Variants in DLEU7 observed in about 807,000 individuals in gnomAD.
The protein encoded by DLEU7 is leukemia-associated protein 7.
Under a neutral mutation model 16.0 loss-of-function variants are expected in DLEU7, and 17 were observed. The ratio of observed to expected loss-of-function variants is 1.06; its 90% CI spans 0.73 to 1.59. DLEU7 has a LOEUF of 1.59. DLEU7 is among the 40% of genes most tolerant of loss of function. The probability of loss-of-function intolerance (pLI) is 0.00; values close to 1 mark genes in which losing one functional copy is unlikely to be tolerated. For missense variants in DLEU7, 308 were observed against 314.9 expected (o/e 0.98, Z 0.17); for synonymous variants, 113 against 139.8 (o/e 0.81, Z 1.35).
At chr13:50,713,628 G>A (rs1339002099) in intron 1 of DLEU7, among the ~76,000 whole-genome samples, 1 of 152,122 alleles carries the variant, frequency 6.6e-6, no homozygotes, top group Admixed American at 6.5e-5. Flanking sequence ...GACAGGAAAG[G>A]GGTTCTATCC....
At chr13:50,752,783 T>C (rs1373952319) in intron 1 of DLEU7, among the ~76,000 whole-genome samples, 6 of 151,560 alleles carry the variant, frequency 4.0e-5, no homozygotes, top group Non-Finnish European at 8.8e-5. Context: ...ACCCAAAGAG[T>C]GAGCAGCAAC....
chr13:50,774,259 C>T (rs1247122153), intron 1 of DLEU7, among the ~76,000 whole-genome samples: 1 of 152,166 alleles, frequency 6.6e-6, no homozygotes, highest in Non-Finnish European at 1.5e-5. Flanking sequence ...TCGTCTCACC[C>T]TCCTTAGGCT....
At chr13:50,714,348 T>G (rs766374929) in intron 1 of DLEU7, among the ~76,000 whole-genome samples, 15 of 152,218 alleles carry the variant, frequency 9.9e-5, no homozygotes, top group Non-Finnish European at 2.1e-4. Flanking sequence ...CAACTCCTTC[T>G]CCTGTCACCC....
At chr13:50,731,091 C>G (rs1216098038) in intron 1 of DLEU7, among the ~76,000 whole-genome samples, 4 of 152,150 alleles carry the variant, frequency 2.6e-5, no homozygotes, top group African/African-American at 9.7e-5. Flanking sequence ...TTCACTTCAG[C>G]CTCTGATTGG....
At chr13:50,751,260 C>T (rs1427316503) in intron 1 of DLEU7, among the ~76,000 whole-genome samples, 1 of 152,142 alleles carries the variant, frequency 6.6e-6, no homozygotes, top group African/African-American at 2.4e-5. Flanking sequence ...TAAACCATCC[C>T]TGCATCCCTG....
intron 1 of DLEU7, among the ~76,000 whole-genome samples, chr13:50,785,643 T>C (rs1033086979): frequency 1.3e-5 from 2 of 152,206 alleles, no homozygotes; most frequent in Non-Finnish European, 2.9e-5. Context: ...TTGAACCACC[T>C]AACTGGGAAA....
At chr13:50,711,790 CT>C (rs2137697496), downstream of DLEU7, 1 of 122,680 alleles carries the variant, frequency 8.2e-6, no homozygotes, top group African/African-American at 3.2e-5. Context: ...GGGGGCATTA[CT>C]ACCTATACCT....
intron 1 of DLEU7, among the ~76,000 whole-genome samples, chr13:50,791,646 C>T (rs1875962315): frequency 6.6e-6 from 1 of 152,074 alleles, no homozygotes; most frequent in Non-Finnish European, 1.5e-5. Context: ...CTAAAAATTA[C>T]CCAAGTGAAG....
At position 50,777,417 on chromosome 13, in the gene DLEU7, A is replaced by G. The variant is rs188478313; in HGVS notation, c.460-64177T>C. 2.6e-5 allele frequency among the ~76,000 whole-genome samples: 4 copies of G among 152,252 alleles called. No homozygotes were observed. In the East Asian group the frequency reaches 7.7e-4, roughly 29 times the overall value. On this transcript the variant is annotated intron_variant, in intron 1 of 1. Transcript: ENST00000400393. Reference sequence around the variant, plus strand: ...AGACTGGCTTAGCCTCCCAACCTACATCTTTTTCCTATGCTGTATGCTTCC... The same window carrying G: ...AGACTGGCTTAGCCTCCCAACCTACGTCTTTTTCCTATGCTGTATGCTTCC...
intron 1 of DLEU7, among the ~76,000 whole-genome samples, chr13:50,753,583 G>A (rs1252885775): frequency 6.6e-6 from 1 of 152,224 alleles, no homozygotes; most frequent in Non-Finnish European, 1.5e-5. Context: ...GGGCCAGCAG[G>A]GCAGGCCAGC....
At chr13:50,755,937 A>G (rs561200882) in intron 1 of DLEU7, among the ~76,000 whole-genome samples, 8 of 151,814 alleles carry the variant, frequency 5.3e-5, no homozygotes, top group Admixed American at 2.0e-4. Context: ...CCCTTTTCCT[A>G]TGGATGTGGC....
intron 1 of DLEU7, among the ~76,000 whole-genome samples, chr13:50,811,723 AG>A (rs1876573386): frequency 6.6e-6 from 1 of 152,132 alleles, no homozygotes; most frequent in Non-Finnish European, 1.5e-5. Flanking sequence ...GGCCTTACAG[AG>A]GGAAGCCTGG....
intron 1 of DLEU7, among the ~76,000 whole-genome samples, chr13:50,824,873 A>G (rs180710141): frequency 6.6e-6 from 1 of 152,376 alleles, no homozygotes; most frequent in Admixed American, 6.5e-5. Context: ...AATTTAAAAT[A>G]CAATCTACCG....
At chr13:50,740,155 A>T (rs1874212096) in intron 1 of DLEU7, among the ~76,000 whole-genome samples, 1 of 152,152 alleles carries the variant, frequency 6.6e-6, no homozygotes, top group Non-Finnish European at 1.5e-5. Context: ...TGCAGTATTT[A>T]GGCTTCTATT....
intron 1 of DLEU7, among the ~76,000 whole-genome samples, chr13:50,814,245 A>C (rs1203790000): frequency 1.3e-5 from 2 of 152,136 alleles, no homozygotes; most frequent in African/African-American, 4.8e-5. Context: ...ATCCAGTCTC[A>C]GTCCGGAAGC....
chr13:50,840,861 A>G (rs1877634636), intron 1 of DLEU7, among the ~76,000 whole-genome samples: 1 of 152,106 alleles, frequency 6.6e-6, no homozygotes, highest in Non-Finnish European at 1.5e-5. Context: ...GTAGAAAGAT[A>G]TTTCTGTCCA....
At chr13:50,808,553 A>G (rs1397734845) in intron 1 of DLEU7, 3 of 152,270 alleles carry the variant, frequency 2.0e-5, no homozygotes, top group East Asian at 1.9e-4. Flanking sequence ...CTGGAGCAGT[A>G]TCTGACACAG....
chr13:50,743,017 A>C (rs1874294467), intron 1 of DLEU7, among the ~76,000 whole-genome samples: 1 of 152,262 alleles, frequency 6.6e-6, no homozygotes, highest in South Asian at 2.1e-4. Context: ...AGGTGGCAAA[A>C]AGTTCTTACT....
intron 1 of DLEU7, among the ~76,000 whole-genome samples, chr13:50,815,403 G>A (rs1201053507): frequency 6.6e-6 from 1 of 152,146 alleles, no homozygotes; most frequent in Admixed American, 6.6e-5. Flanking sequence ...AGAGGGAACA[G>A]CTGTAAATCA....
Sources: gnomAD v4.1 joint callset for allele counts (sites outside exome capture counted in the v4.1 genomes callset) on GRCh38, gnomAD v4.1.1 for gene constraint, MANE v1.5 for transcripts, NCBI Gene and HGNC (gene_info 2026-07-23, HGNC 2026-07-21) for gene names.